Variants in NDUFS4 observed in about 807,000 individuals in gnomAD.
NDUFS4 encodes NADH dehydrogenase [ubiquinone] iron-sulfur protein 4, mitochondrial.
In NDUFS4, 28 loss-of-function variants were observed where a neutral mutation model predicts 24.3. The observed-to-expected ratio is 1.15, with a 90% CI of 0.85 to 1.58. The LOEUF (loss-of-function observed/expected upper bound fraction) is 1.58. Among genes scored for constraint, NDUFS4 ranks in the 40% most tolerant of loss-of-function variants. The probability of loss-of-function intolerance (pLI) is 0.00; values close to 1 mark genes in which losing one functional copy is unlikely to be tolerated. For synonymous variants in NDUFS4, 93 were observed against 69.7 expected (o/e 1.34, Z -1.67); for missense variants, 223 against 207.9 (o/e 1.07, Z -0.45).
chr5:53,631,877 G>C (rs966454227), intron 2 of NDUFS4, among the ~76,000 whole-genome samples: 8 of 152,192 alleles, frequency 5.3e-5, no homozygotes, highest in African/African-American at 1.9e-4. Flanking sequence ...CGATTGCGAA[G>C]ACCATGGGAA....
At chr5:53,582,510 A>T (rs1484236912) in intron 1 of NDUFS4, among the ~76,000 whole-genome samples, 1 of 152,218 alleles carries the variant, frequency 6.6e-6, no homozygotes, top group African/African-American at 2.4e-5. Context: ...GTGGGAGGAA[A>T]CTGGAGTACA....
chr5:53,606,048 G>A (rs2607482), intron 2 of NDUFS4, among the ~76,000 whole-genome samples: 31,779 of 147,244 alleles, frequency 0.22, 4,100 homozygotes, highest in East Asian at 0.45. Context: ...GCCGGGCATG[G>A]TGGTGGGCGC....
At chr5:53,612,642 A>T (rs1750732798) in intron 2 of NDUFS4, among the ~76,000 whole-genome samples, 1 of 152,088 alleles carries the variant, frequency 6.6e-6, no homozygotes, top group Non-Finnish European at 1.5e-5. Context: ...AATTTCTTCC[A>T]AATAGCAATT....
At chr5:53,565,146 A>AGGT (rs1291373311) in intron 1 of NDUFS4, among the ~76,000 whole-genome samples, 1 of 152,212 alleles carries the variant, frequency 6.6e-6, no homozygotes, top group East Asian at 1.9e-4. Flanking sequence ...GATGTGAGGT[A>AGGT]GGTGTACTCC....
At position 53,560,733 on chromosome 5, in the gene NDUFS4, C is replaced by T. The variant is rs146259362; in HGVS notation, c.71C>T (p.Ala24Val). 2.5e-6 allele frequency: 4 copies of T among 1,614,244 alleles called. No homozygotes were observed. Among genetic ancestry groups the T allele is most frequent in the Non-Finnish European group, 2.5e-6 (3 of 1,180,046 alleles). The change falls in exon 1 of 5, where the codon GCC becomes GTC. Residue 24 changes from alanine to valine, a missense_variant. Ala to Val is a moderately conservative substitution (Grantham distance 64). Coordinates refer to ENST00000296684, the MANE Select transcript of NDUFS4 (RefSeq NM_002495.4). ...LWRRRAVAVA[A>V]LSVSRVPTRS... ...CGGAGAAGGGCAGTGGCTGTAGCTG[C>T]CCTTTCCGTTTCCAGGGTTCCGACC... is the stretch of plus-strand genomic sequence containing the variant.
intron 1 of NDUFS4, among the ~76,000 whole-genome samples, chr5:53,598,593 A>G (rs1274404887): frequency 1.3e-5 from 2 of 152,194 alleles, no homozygotes; most frequent in Admixed American, 1.3e-4. Flanking sequence ...AGATTTTCTC[A>G]TCTACAGCAA....
At chr5:53,606,013 CAA>C (rs11329751) in intron 2 of NDUFS4, among the ~76,000 whole-genome samples, 8,134 of 76,680 alleles carry the variant, frequency 0.11, 316 homozygotes, top group Admixed American at 0.18. Flanking sequence ...GACTCCGTCT[CAA>C]AAAAAAAAAA....
At chr5:53,625,137 T>C (rs533858529) in intron 2 of NDUFS4, among the ~76,000 whole-genome samples, 3 of 152,128 alleles carry the variant, frequency 2.0e-5, no homozygotes, top group Non-Finnish European at 2.9e-5. Context: ...TTTGTAGAAA[T>C]GGGGTTCGCC....
chr5:53,566,917 C>G (rs909806209), intron 1 of NDUFS4, among the ~76,000 whole-genome samples: 1 of 148,464 alleles, frequency 6.7e-6, no homozygotes, highest in Non-Finnish European at 1.5e-5. Flanking sequence ...GGCGTGATCT[C>G]GGCTCACTGT....
chr5:53,573,172 C>T (rs10042269), intron 1 of NDUFS4, among the ~76,000 whole-genome samples: 10 of 150,700 alleles, frequency 6.6e-5, no homozygotes, highest in African/African-American at 2.2e-4. Context: ...TGGGTGTCTC[C>T]CTGTGTTGCC....
intron 4 of NDUFS4, among the ~76,000 whole-genome samples, chr5:53,674,142 C>A (rs1343816885): frequency 6.6e-6 from 1 of 152,124 alleles, no homozygotes; most frequent in African/African-American, 2.4e-5. Flanking sequence ...CCCAAAGAAA[C>A]AGGAATACTT....
chr5:53,639,217 C>CTATA (rs144977023), intron 2 of NDUFS4, among the ~76,000 whole-genome samples: 2 of 150,922 alleles, frequency 1.3e-5, no homozygotes, highest in African/African-American at 4.9e-5. Flanking sequence ...GTAGCTTAAA[C>CTATA]TATATATATA....
intron 3 of NDUFS4, among the ~76,000 whole-genome samples, chr5:53,656,208 G>C (rs978798969): frequency 1.3e-5 from 1 of 76,378 alleles, no homozygotes; most frequent in African/African-American, 5.8e-5. Context: ...GAATTCTCTA[G>C]AAGTTTATTT....
At chr5:53,678,329 A>T (rs991199777) in intron 4 of NDUFS4, among the ~76,000 whole-genome samples, 1 of 152,214 alleles carries the variant, frequency 6.6e-6, no homozygotes, top group African/African-American at 2.4e-5. Context: ...TCAGTGTGTG[A>T]AACAGCAAAG....
chr5:53,655,155 A>T (rs1206523083), intron 3 of NDUFS4, among the ~76,000 whole-genome samples: 1 of 152,162 alleles, frequency 6.6e-6, no homozygotes, highest in Non-Finnish European at 1.5e-5. Context: ...ACTTTATTGA[A>T]ATATACATTA....
intron 2 of NDUFS4, among the ~76,000 whole-genome samples, chr5:53,617,010 C>CAGAG (rs1318102392): frequency 6.6e-6 from 1 of 152,114 alleles, no homozygotes; most frequent in African/African-American, 2.4e-5. Context: ...ATAATAAACT[C>CAGAG]ATCTCTCTAA....
In NDUFS4 at chr5:53,626,326, G is replaced by A. The variant is rs116483620; in HGVS notation, c.178-19907G>A. Among the ~76,000 whole-genome samples, 1,400 of 152,196 alleles carry A rather than the reference G, an allele frequency of 9.2e-3. 17 individuals are homozygous for A. The highest frequency in any genetic ancestry group is 0.032 in the African/African-American group (1,326 of 41,526). On this transcript the variant is annotated intron_variant, in intron 2 of 4. Transcript: ENST00000296684. Reference sequence around the variant, plus strand: ...GTTGGTTCCAAGTCTTTGCTGTCGTGAACACTGCCGCAATAAACATGTGTG... The same window carrying A: ...GTTGGTTCCAAGTCTTTGCTGTCGTAAACACTGCCGCAATAAACATGTGTG...
chr5:53,572,950 GTTTTTTGTTTTTT>G lies in NDUFS4; in HGVS notation c.98+12210_98+12222del, dbSNP rs1184633169. On this transcript the variant is annotated intron_variant, in intron 1 of 4. Transcript: ENST00000296684. ...TGAGCTACCGTGCCTGGCCTTTGTT[GTTTTTTGTTTTTT>G]TTTTTTGTTTTTTTTTTTTTTTAAG... Among the ~76,000 whole-genome samples the G allele has an allele frequency of 1.6e-3, 189 of 116,808 alleles. 1 individual carries two copies. Among genetic ancestry groups the G allele is most frequent in the African/African-American group, 5.6e-3 (173 of 30,814 alleles). 76.6% of individuals were successfully genotyped at this position (116,808 alleles called of 152,430 possible). A position where few individuals can be genotyped will look rare whatever the true frequency, so the allele number is the denominator to read the frequency against.
Position 53,679,419 on chromosome 5 carries a change from T to TATC in NDUFS4, c.425-3697_425-3695dup, listed in dbSNP as rs1305908147. ...GTCATGATACTTCTATTTATGTTGT[T>TATC]ATCACCATCAACAGCAACTGTAATC... On this transcript the variant is annotated intron_variant, in intron 4 of 4. Coordinates refer to ENST00000296684, the MANE Select transcript of NDUFS4 (RefSeq NM_002495.4). 2.6e-5 allele frequency among the ~76,000 whole-genome samples: 4 copies of TATC among 152,270 alleles called. No individual in the cohort carries two copies. In the East Asian group the frequency reaches 5.8e-4, roughly 22 times the overall value.
Sources: allele counts gnomAD v4.1 joint callset (sites outside exome capture counted in the v4.1 genomes callset), GRCh38; gene constraint gnomAD v4.1.1; transcripts MANE v1.5; gene names NCBI Gene and HGNC (gene_info 2026-07-23, HGNC 2026-07-21).